CSMD1: variants seen among roughly 807,000 people sequenced by gnomAD.
CSMD1 encodes CUB and sushi domain-containing protein 1.
CSMD1 carries 213 observed loss-of-function variants against 417.5 expected under a neutral mutation model. That is an observed-to-expected ratio of 0.51 (90% CI 0.46 to 0.57). The LOEUF (loss-of-function observed/expected upper bound fraction) is 0.57. Among genes scored for constraint, CSMD1 ranks in the 20% least tolerant of loss-of-function variants. The pLI, the probability that CSMD1 is intolerant of heterozygous loss-of-function variation, is 0.00. For missense variants in CSMD1, 6,923 were observed against 4,529.7 expected (o/e 1.53, Z -15.17); for synonymous variants, 2,862 against 1,736.8 (o/e 1.65, Z -16.11).
chr8:4,460,196 G>T (rs1212909028), intron 2 of CSMD1, among the ~76,000 whole-genome samples: 1 of 152,050 alleles, frequency 6.6e-6, no homozygotes, highest in African/African-American at 2.4e-5. Flanking sequence ...ATTAGAATTT[G>T]AGAAATAATA....
chr8:3,117,286 T>A (rs1816931214), intron 42 of CSMD1, among the ~76,000 whole-genome samples: 1 of 152,156 alleles, frequency 6.6e-6, no homozygotes, highest in African/African-American at 2.4e-5. Context: ...TTAGCCAGGA[T>A]GGTCTTGATC....
chr8:3,938,659 C>T (rs1207326330), intron 5 of CSMD1, among the ~76,000 whole-genome samples: 1 of 152,170 alleles, frequency 6.6e-6, no homozygotes, highest in Admixed American at 6.5e-5. Flanking sequence ...TCTTTGAAGT[C>T]TGCTTCTGTT....
rs1809054068 is a variant in CSMD1, at chr8:3,018,468, T to C, written c.8029+9A>G. 5.0e-6 allele frequency: 8 copies of C among 1,612,224 alleles called. No homozygotes were observed. Among genetic ancestry groups the C allele is most frequent in the Admixed American group, 1.7e-5 (1 of 59,926 alleles). ...CATTAAGTAAGTGCCAGAACACAGATGAATTTACCCAGACATCGAGTTTCG... is the reference window on the plus strand; with the variant it reads ...CATTAAGTAAGTGCCAGAACACAGACGAATTTACCCAGACATCGAGTTTCG... On this transcript the variant is annotated intron_variant, in intron 52 of 69. Transcript: ENST00000635120.
chr8:3,366,436 C>A (rs1038733758), intron 20 of CSMD1, among the ~76,000 whole-genome samples: 15 of 152,086 alleles, frequency 9.9e-5, no homozygotes, highest in Non-Finnish European at 1.6e-4. Context: ...ACAATCTAAC[C>A]CATACAAATA....
intron 3 of CSMD1, among the ~76,000 whole-genome samples, chr8:4,130,807 A>C (rs1290464734): frequency 6.6e-6 from 1 of 151,698 alleles, no homozygotes; most frequent in Non-Finnish European, 1.5e-5. Context: ...CAAATTATAT[A>C]TTTGTATATA....
In CSMD1 at chr8:3,590,902, T is replaced by A. The variant is rs193247576; in HGVS notation, c.1098-4642A>T. On this transcript the variant is annotated intron_variant, in intron 8 of 69. Transcript: ENST00000635120. ...ATTTCCAAGCCATGTGTGCTTTCGATGTCGAATATATAATAAACTAAGTTT... is the reference window on the plus strand; with the variant it reads ...ATTTCCAAGCCATGTGTGCTTTCGAAGTCGAATATATAATAAACTAAGTTT... Among the ~76,000 whole-genome samples, 7 of 152,312 alleles carry A rather than the reference T, an allele frequency of 4.6e-5. No individual in the cohort carries two copies. In the East Asian group the frequency reaches 1.2e-3, roughly 25 times the overall value.
intron 1 of CSMD1, among the ~76,000 whole-genome samples, chr8:4,673,154 G>A (rs374303979): frequency 6.6e-6 from 1 of 152,096 alleles, no homozygotes; most frequent in South Asian, 2.1e-4. Context: ...GGGGAAAAAG[G>A]GATTCTATGG....
Position 3,961,341 on chromosome 8 carries a change from C to T in CSMD1, c.818+36562G>A, listed in dbSNP as rs565054163. Among the ~76,000 whole-genome samples, 9 of 152,194 alleles carry T rather than the reference C, an allele frequency of 5.9e-5. No individual in the cohort carries two copies. In the East Asian group the frequency reaches 7.7e-4, roughly 13 times the overall value. Reference sequence around the variant, plus strand: ...TTTCAATTAAGGAAACATTTTTAACCGGGTAAGCCACTGAAGAACAAGGAT... The same window carrying T: ...TTTCAATTAAGGAAACATTTTTAACTGGGTAAGCCACTGAAGAACAAGGAT... On this transcript the variant is annotated intron_variant, in intron 5 of 69. Transcript: ENST00000635120.
chr8:3,393,472 A>G (rs1811469847), intron 17 of CSMD1, among the ~76,000 whole-genome samples: 1 of 152,142 alleles, frequency 6.6e-6, no homozygotes, highest in Admixed American at 6.6e-5. Context: ...AGGGATGGAG[A>G]GAAAGAAAAA....
At chr8:4,844,139 T>A (rs1800999302) in intron 1 of CSMD1, among the ~76,000 whole-genome samples, 1 of 152,156 alleles carries the variant, frequency 6.6e-6, no homozygotes, top group Non-Finnish European at 1.5e-5. Flanking sequence ...TTACAAATCA[T>A]ATTTTTTCAA....
At chr8:3,997,101 CA>C (rs1452477160) in intron 5 of CSMD1, among the ~76,000 whole-genome samples, 1 of 152,156 alleles carries the variant, frequency 6.6e-6, no homozygotes, top group Non-Finnish European at 1.5e-5. Context: ...AGATCTAAAA[CA>C]GATAACTGAA....
chr8:4,767,996 G>A (rs1046860443), intron 1 of CSMD1, among the ~76,000 whole-genome samples: 2 of 151,608 alleles, frequency 1.3e-5, no homozygotes, highest in African/African-American at 4.8e-5. Flanking sequence ...AGCATGGTGG[G>A]CATTCAATTC....
At chr8:4,297,922 T>C (rs1003586614) in intron 3 of CSMD1, among the ~76,000 whole-genome samples, 3 of 152,202 alleles carry the variant, frequency 2.0e-5, no homozygotes, top group African/African-American at 7.2e-5. Context: ...GAAAGGTTTT[T>C]ATTAGCAAAG....
intron 10 of CSMD1, among the ~76,000 whole-genome samples, chr8:3,552,088 T>C (rs569248205): frequency 6.6e-6 from 1 of 152,344 alleles, no homozygotes; most frequent in East Asian, 1.9e-4. Flanking sequence ...GGTAAAATTC[T>C]TTGAACAATG....
chr8:4,968,581 A>G (rs1810031547), intron 1 of CSMD1, among the ~76,000 whole-genome samples: 1 of 152,132 alleles, frequency 6.6e-6, no homozygotes, highest in Non-Finnish European at 1.5e-5. Context: ...CCTGAACCAA[A>G]GGAGACTCTC....
intron 1 of CSMD1, among the ~76,000 whole-genome samples, chr8:4,786,982 G>T (rs972672045): frequency 6.6e-6 from 1 of 152,172 alleles, no homozygotes; most frequent in African/African-American, 2.4e-5. Context: ...TATACTAACT[G>T]AAGACTGGAG....
intron 2 of CSMD1, among the ~76,000 whole-genome samples, chr8:4,537,713 C>G (rs140578588): frequency 9.9e-5 from 15 of 152,170 alleles, no homozygotes; most frequent in African/African-American, 3.6e-4. Flanking sequence ...AAAAGCATGG[C>G]TTCCCCCAGC....
intron 5 of CSMD1, among the ~76,000 whole-genome samples, chr8:3,887,106 G>A (rs1435855254): frequency 6.6e-6 from 1 of 152,090 alleles, no homozygotes; most frequent in East Asian, 1.9e-4. Flanking sequence ...AAAAGTAGAG[G>A]GTGGGACTTC....
chr8:4,148,864 T>C (rs889577930), intron 3 of CSMD1, among the ~76,000 whole-genome samples: 1 of 152,210 alleles, frequency 6.6e-6, no homozygotes, highest in African/African-American at 2.4e-5. Flanking sequence ...AGATGGCACA[T>C]GGTCGAGAGA....
Sources: gnomAD v4.1 joint callset for allele counts (sites outside exome capture counted in the v4.1 genomes callset) on GRCh38, gnomAD v4.1.1 for gene constraint, MANE v1.5 for transcripts, NCBI Gene and HGNC (gene_info 2026-07-23, HGNC 2026-07-21) for gene names.